Variants in SHROOM3 observed in about 807,000 individuals in gnomAD.
SHROOM3 encodes the protein protein Shroom3.
Under a neutral mutation model 138.6 loss-of-function variants are expected in SHROOM3, and 47 were observed. That is an observed-to-expected ratio of 0.34 (90% confidence interval 0.27 to 0.43). The LOEUF is 0.43. SHROOM3 is among the 20% of genes least tolerant of loss of function. The pLI, the probability that SHROOM3 is intolerant of heterozygous loss-of-function variation, is 1.00. For missense variants in SHROOM3, 2,491 were observed against 2,596.5 expected, an observed-to-expected ratio of 0.96 and a Z score of 0.88; for synonymous variants, 1,062 against 1,063.3, an observed-to-expected ratio of 1.00 and a Z score of 0.02.
chr4:76,624,223 A>G (rs1735071107), intron 2 of SHROOM3, among the ~76,000 whole-genome samples: 1 of 152,066 alleles, frequency 6.6e-6, no homozygotes, highest in Non-Finnish European at 1.5e-5. Context: ...GTATTCCGAC[A>G]TTTCAGCGTG....
intron 1 of SHROOM3, among the ~76,000 whole-genome samples, chr4:76,469,594 C>T (rs376657905): frequency 1.3e-5 from 2 of 152,086 alleles, no homozygotes; most frequent in African/African-American, 4.8e-5. Flanking sequence ...GTAGCTGGGA[C>T]GTCAGGTGCA....
intron 4 of SHROOM3, among the ~76,000 whole-genome samples, chr4:76,734,894 G>A (rs1037436248): frequency 1.3e-5 from 2 of 152,154 alleles, no homozygotes; most frequent in Non-Finnish European, 2.9e-5. Flanking sequence ...CAGGCATAAA[G>A]GAGAGAAGAG....
chr4:76,755,775 T>C (rs942533137), intron 7 of SHROOM3, among the ~76,000 whole-genome samples: 7 of 152,104 alleles, frequency 4.6e-5, no homozygotes, highest in African/African-American at 1.7e-4. Flanking sequence ...TCCATGTCCA[T>C]AGGGAGGAAT....
chr4:76,707,392 T>C (rs1291870246), intron 2 of SHROOM3, among the ~76,000 whole-genome samples: 1 of 152,194 alleles, frequency 6.6e-6, no homozygotes, highest in Non-Finnish European at 1.5e-5. Context: ...AAACCCTCAT[T>C]CATTCTCTCC....
At chr4:76,724,696 A>G (rs1434223343) in intron 3 of SHROOM3, among the ~76,000 whole-genome samples, 1 of 152,190 alleles carries the variant, frequency 6.6e-6, no homozygotes, top group Non-Finnish European at 1.5e-5. Flanking sequence ...CAGACTGTAC[A>G]TGTAATTCTG....
intron 1 of SHROOM3, among the ~76,000 whole-genome samples, chr4:76,524,452 G>A (rs758302538): frequency 1.6e-4 from 25 of 152,164 alleles, no homozygotes; most frequent in Non-Finnish European, 3.2e-4. Context: ...GGAAGAGAGT[G>A]AGCCCAAAGG....
At chr4:76,596,003 G>A (rs1331178194) in intron 2 of SHROOM3, among the ~76,000 whole-genome samples, 1 of 152,118 alleles carries the variant, frequency 6.6e-6, no homozygotes, top group Non-Finnish European at 1.5e-5. Flanking sequence ...CTTTACCCCT[G>A]CATGCACACA....
At chr4:76,662,032 A>G (rs1316688794) in intron 2 of SHROOM3, among the ~76,000 whole-genome samples, 1 of 152,204 alleles carries the variant, frequency 6.6e-6, no homozygotes, top group African/African-American at 2.4e-5. Flanking sequence ...ATTGCTGCAT[A>G]AGAAACTATT....
rs751594734 is a variant in SHROOM3 at position 76,541,623 on chromosome 4, G to GCACACACACACA, written c.169-13985_169-13984insACACACACACAC. Among the ~76,000 whole-genome samples, 817 of 140,144 alleles carry GCACACACACACA rather than the reference G, an allele frequency of 5.8e-3. 8 individuals carry two copies. The highest frequency in any genetic ancestry group is 0.016 in the African/African-American group (650 of 40,284). The allele number at this position is 140,144 out of a possible 152,430, so 91.9% of individuals were successfully genotyped here. On this transcript the variant is annotated intron_variant, in intron 1 of 10. Coordinates refer to ENST00000296043, the MANE Select transcript of SHROOM3 (RefSeq NM_020859.4). ...AGAAGGCCGGGATTCACATATGTGGGCGCACACACACACACACACACACAC... is the reference window on the plus strand; with the variant it reads ...AGAAGGCCGGGATTCACATATGTGGGCACACACACACACGCACACACACACACACACACACAC...
At chr4:76,767,158 GT>G (rs1722183161) in intron 9 of SHROOM3, among the ~76,000 whole-genome samples, 4 of 152,184 alleles carry the variant, frequency 2.6e-5, no homozygotes, top group African/African-American at 9.7e-5. Flanking sequence ...GCTGGGTCAA[GT>G]TATTTTGACC....
At chr4:76,667,966 C>CAAAAAAAAAAAAAAAAAAAAAA (rs747974205) in intron 2 of SHROOM3, among the ~76,000 whole-genome samples, 1 of 62,554 alleles carries the variant, frequency 1.6e-5, no homozygotes. Context: ...GACTCCCTCT[C>CAAAAAAAAAAAAAAAAAAAAAA]AAAAAAAAAA....
At chr4:76,472,975 G>A (rs1002829827) in intron 1 of SHROOM3, among the ~76,000 whole-genome samples, 16 of 152,314 alleles carry the variant, frequency 1.1e-4, no homozygotes, top group African/African-American at 3.8e-4. Context: ...TTACAGGTGT[G>A]AGCCACCACG....
intron 1 of SHROOM3, among the ~76,000 whole-genome samples, chr4:76,459,230 C>T (rs953509686): frequency 2.4e-4 from 37 of 152,248 alleles, no homozygotes; most frequent in Admixed American, 1.6e-3. Flanking sequence ...GTAACATAAT[C>T]TCTGATGTGT....
intron 2 of SHROOM3, among the ~76,000 whole-genome samples, chr4:76,698,498 A>G (rs1719809872): frequency 6.6e-6 from 1 of 152,302 alleles, no homozygotes; most frequent in African/African-American, 2.4e-5. Flanking sequence ...ACTTATTTGC[A>G]TATAGATAGG....
In SHROOM3 at chr4:76,741,395, G is replaced by C. The variant is rs765681223; in HGVS notation, c.3222G>C (p.Ser1074=). Residue 1074 remains serine, a synonymous_variant, in exon 5 of 11, where the codon TCG becomes TCC. Transcript: ENST00000296043. This position sits in a 1 kb window ranked among gnomAD's most constrained non-coding sequence, Gnocchi z 6.2. ...AGGCCTGCTCCACGCTCAGCCTGTC[G>C]GGGCCCGAGCTGAAGCAGTTCCAGC... ...DGKACSTLSL[S]GPELKQFQQS... is the part of the protein sequence containing the mutation. 6.9e-6 allele frequency: 11 copies of C among 1,600,922 alleles called. No homozygotes were observed. Among genetic ancestry groups the C allele is most frequent in the South Asian group, 3.4e-5 (3 of 89,134 alleles).
intron 2 of SHROOM3, among the ~76,000 whole-genome samples, chr4:76,608,713 C>T (rs373485358): frequency 0.095 from 9,225 of 97,120 alleles, 1,297 homozygotes; most frequent in East Asian, 0.21. Context: ...CAGCACAGCA[C>T]AGCACAGCAC....
intron 1 of SHROOM3, among the ~76,000 whole-genome samples, chr4:76,511,608 C>A (rs1732338238): frequency 1.3e-5 from 2 of 152,290 alleles, no homozygotes; most frequent in Non-Finnish European, 2.9e-5. Context: ...CAGCTATGTG[C>A]TTTACAAGAT....
At chr4:76,550,482 T>C (rs775672419) in intron 1 of SHROOM3, among the ~76,000 whole-genome samples, 1 of 152,122 alleles carries the variant, frequency 6.6e-6, no homozygotes, top group African/African-American at 2.4e-5. Flanking sequence ...CATTTCATAA[T>C]GGAAGAGTAT....
chr4:76,579,479 T>C (rs1321113398), intron 2 of SHROOM3, among the ~76,000 whole-genome samples: 2 of 152,160 alleles, frequency 1.3e-5, no homozygotes, highest in African/African-American at 2.4e-5. Flanking sequence ...AAAATAATAA[T>C]AAACAAACAA....
Sources: gnomAD v4.1 joint callset for allele counts (sites outside exome capture counted in the v4.1 genomes callset) on GRCh38, gnomAD v4.1.1 for gene constraint, Gnocchi (gnomAD v3.1) non-coding constraint, MANE v1.5 for transcripts, NCBI Gene and HGNC (gene_info 2026-07-23, HGNC 2026-07-21) for gene names.